CDC45: variants seen among roughly 807,000 people sequenced by gnomAD.
CDC45 encodes the protein cell division control protein 45 homolog.
In CDC45, 54 loss-of-function variants were observed where a neutral mutation model predicts 77.8. The ratio of observed to expected loss-of-function variants is 0.69; its 90% CI spans 0.56 to 0.87. The LOEUF (loss-of-function observed/expected upper bound fraction) is 0.87, where lower values mean the gene tolerates loss of function less well. Ranked by LOEUF, CDC45 falls within the 40% of genes least tolerant of loss-of-function variation. The pLI is 0.00. For synonymous variants in CDC45, 260 were observed against 272.1 expected, an observed-to-expected ratio of 0.96 and a Z score of 0.44; for missense variants, 649 against 721.6, an observed-to-expected ratio of 0.90 and a Z score of 1.15.
rs923407976 is a variant in CDC45 at position 19,507,359 on chromosome 22, T to C, written c.825-27T>C. 5 of 1,610,172 alleles carry C rather than the reference T, an allele frequency of 3.1e-6. No individual in the cohort carries two copies. The East Asian group carries it at 8.9e-5, about 29-fold the overall frequency. Reference sequence around the variant, plus strand: ...AGTGCTCAGGGCGGCCAGTGGGTGCTTGCATGCTCCTTGACTGCAGGCCCA... The same window carrying C: ...AGTGCTCAGGGCGGCCAGTGGGTGCCTGCATGCTCCTTGACTGCAGGCCCA... On this transcript the variant is annotated intron_variant, in intron 10 of 18. Coordinates refer to ENST00000263201, the MANE Select transcript of CDC45 (RefSeq NM_003504.5).
At chr22:19,483,563 T>C (rs917763892) in intron 4 of CDC45, among the ~76,000 whole-genome samples, 9 of 152,220 alleles carry the variant, frequency 5.9e-5, no homozygotes, top group African/African-American at 2.2e-4. Context: ...ATTTTATTGG[T>C]GTATGACGTA....
intron 7 of CDC45, among the ~76,000 whole-genome samples, chr22:19,496,428 T>C (rs1339997032): frequency 6.6e-6 from 1 of 152,204 alleles, no homozygotes; most frequent in Non-Finnish European, 1.5e-5. Flanking sequence ...GAAAACCTAC[T>C]ATGTCAATAG....
chr22:19,481,611 C>A (rs1325201855), intron 3 of CDC45, among the ~76,000 whole-genome samples: 5 of 151,888 alleles, frequency 3.3e-5, no homozygotes, highest in Non-Finnish European at 5.9e-5. Context: ...GATCTCCTGA[C>A]TTTGTGATCT....
intron 1 of CDC45, 27 bp downstream of exon 1, chr22:19,480,046 G>A (rs1568908465): frequency 1.2e-6 from 2 of 1,613,858 alleles, no homozygotes; most frequent in Non-Finnish European, 8.5e-7. Context: ...GACCCCCGCC[G>A]AGGCCTTGCC....
chr22:19,491,286 T>C (rs2090149827), intron 5 of CDC45, among the ~76,000 whole-genome samples: 1 of 152,228 alleles, frequency 6.6e-6, no homozygotes, highest in African/African-American at 2.4e-5. Flanking sequence ...TACCTCATTT[T>C]TGCTTACTGT....
At chr22:19,494,517 A>G in intron 6 of CDC45, 135 bp downstream of exon 6, 1 of 1,551,884 alleles carries the variant, frequency 6.4e-7, no homozygotes, top group Middle Eastern at 1.7e-4. Context: ...TGGCTCTGGG[A>G]GTGAACCTGT....
intron 5 of CDC45, among the ~76,000 whole-genome samples, chr22:19,490,824 ATCT>A (rs1352725182): frequency 7.5e-5 from 11 of 147,148 alleles, no homozygotes; most frequent in Non-Finnish European, 1.5e-4. Flanking sequence ...TAGAAACCTT[ATCT>A]TCTTTTTTTT....
intron 12 of CDC45, 142 bp from the exon 13 acceptor site, chr22:19,508,388 C>A: frequency 1.1e-6 from 1 of 873,476 alleles, no homozygotes; most frequent in Non-Finnish European, 1.8e-6. Context: ...ACGTTCTGAC[C>A]TGCCTCATCC....
At position 19,495,974 on chromosome 22, in the gene CDC45, A is replaced by G; in HGVS notation, c.543-7A>G. ...CTGTTGAAGACCTGCATTTTATGTC[A>G]TTACAGAAGAGACATCCTCTTTGAC... On this transcript the variant is annotated splice_region_variant and splice_polypyrimidine_tract_variant and intron_variant, in intron 6 of 18. Coordinates refer to ENST00000263201, the MANE Select transcript of CDC45 (RefSeq NM_003504.5). The G allele has an allele frequency of 3.1e-6, 5 of 1,608,670 alleles. No homozygotes were observed. The highest frequency in any genetic ancestry group is 3.4e-6 in the Non-Finnish European group (4 of 1,175,220).
intron 5 of CDC45, among the ~76,000 whole-genome samples, chr22:19,491,585 C>T (rs1214618433): frequency 6.6e-6 from 1 of 152,082 alleles, no homozygotes; most frequent in Non-Finnish European, 1.5e-5. Flanking sequence ...GGCTTTATCC[C>T]TATCATGAAA....
chr22:19,507,119 C>A (rs1474712791), intron 10 of CDC45, among the ~76,000 whole-genome samples: 1 of 152,182 alleles, frequency 6.6e-6, no homozygotes, highest in Admixed American at 6.5e-5. Flanking sequence ...CATGTGACCA[C>A]AGCACCTGGA....
At position 19,513,224 on chromosome 22, in the gene CDC45, G is replaced by T. The variant is rs147477240; in HGVS notation, c.1218-1525G>T. On this transcript the variant is annotated intron_variant, in intron 13 of 18. Coordinates refer to ENST00000263201, the MANE Select transcript of CDC45 (RefSeq NM_003504.5). ...CAGCCTTACTTTGCTCTTCAGTGCT[G>T]CTCAGTACTTTCTGAAATTTGTGCT... Among the ~76,000 whole-genome samples, 657 of 152,298 alleles carry T rather than the reference G, an allele frequency of 4.3e-3. 2 individuals are homozygous for T. Among genetic ancestry groups the T allele is most frequent in the African/African-American group, 0.015 (631 of 41,550 alleles).
chr22:19,494,186 T>G (rs930934194), intron 5 of CDC45, 141 bp from the exon 6 acceptor site: 10 of 718,530 alleles, frequency 1.4e-5, no homozygotes, highest in African/African-American at 5.2e-5. Flanking sequence ...GAACAGGCTG[T>G]GCTCGGGGCA....
At position 19,507,278 on chromosome 22, in the gene CDC45, A is replaced by G. The variant is rs1221792727; in HGVS notation, c.825-108A>G. On this transcript the variant is annotated intron_variant, in intron 10 of 18. Transcript: ENST00000263201. ...TCTTGGGATACCTGGTTTTGCAGGCAGGCCTGGTGAGAAAGGGCCCCGCCA... is the reference window on the plus strand; with the variant it reads ...TCTTGGGATACCTGGTTTTGCAGGCGGGCCTGGTGAGAAAGGGCCCCGCCA... The G allele has an allele frequency of 2.2e-6, 3 of 1,355,664 alleles. No homozygotes were observed. The East Asian group carries it at 6.9e-5, about 31-fold the overall frequency. 84.0% of individuals were successfully genotyped at this position (1,355,664 alleles called of 1,614,324 possible).
At chr22:19,482,571 TG>T in intron 3 of CDC45, 118 bp from the exon 4 acceptor site, 2 of 1,092,562 alleles carry the variant, frequency 1.8e-6, no homozygotes, top group Non-Finnish European at 1.3e-6. Context: ...CCTTGCCACG[TG>T]GGCCTCGCCA....
intron 5 of CDC45, among the ~76,000 whole-genome samples, chr22:19,490,359 T>C (rs910299265): frequency 1.3e-5 from 2 of 151,902 alleles, no homozygotes; most frequent in Admixed American, 1.3e-4. Flanking sequence ...TCTATTTTTT[T>C]CTTGTTCTTT....
intron 15 of CDC45, chr22:19,516,324 T>C (rs1015522641): frequency 6.6e-6 from 4 of 602,268 alleles, no homozygotes; most frequent in African/African-American, 5.6e-5. Flanking sequence ...GGCAGGTGTT[T>C]GGAGAGCTCC....
At chr22:19,480,909 T>C (rs1601915114) in intron 2 of CDC45, 44 bp from the exon 3 acceptor site, 2 of 1,257,254 alleles carry the variant, frequency 1.6e-6, no homozygotes, top group South Asian at 1.3e-5. Context: ...GGTAAATTGC[T>C]AATGTCCTAA....
intron 9 of CDC45, among the ~76,000 whole-genome samples, chr22:19,502,709 A>C (rs1932943259): frequency 6.6e-6 from 1 of 152,260 alleles, no homozygotes; most frequent in Non-Finnish European, 1.5e-5. Flanking sequence ...CAGTTTCTAT[A>C]GCAGTTTGAT....
Sources: gnomAD v4.1 joint callset for allele counts (sites outside exome capture counted in the v4.1 genomes callset) on GRCh38, gnomAD v4.1.1 for gene constraint, MANE v1.5 for transcripts, NCBI Gene and HGNC (gene_info 2026-07-23, HGNC 2026-07-21) for gene names.